Variants in PCDH9 observed in about 807,000 individuals in gnomAD.
PCDH9 encodes protocadherin 9.
Under a neutral mutation model 70.6 loss-of-function variants are expected in PCDH9, and 24 were observed. The ratio of observed to expected loss-of-function variants is 0.34; its 90% CI spans 0.25 to 0.48. The LOEUF (loss-of-function observed/expected upper bound fraction) is 0.48. PCDH9 is among the 20% of genes least tolerant of loss of function. The pLI, the probability that PCDH9 is intolerant of heterozygous loss-of-function variation, is 0.99. For missense variants in PCDH9, 1,281 were observed against 1,503.6 expected, an observed-to-expected ratio of 0.85 and a Z score of 2.45; for synonymous variants, 562 against 558.5, an observed-to-expected ratio of 1.01 and a Z score of -0.09.
intron 4 of PCDH9, among the ~76,000 whole-genome samples, chr13:66,339,246 C>A (rs9540715): frequency 0.44 from 61,202 of 140,692 alleles, 12,566 homozygotes; most frequent in East Asian, 0.5. Flanking sequence ...AACAAAAAAA[C>A]AGTATTACTT....
At chr13:66,816,989 T>A (rs1373362064) in intron 3 of PCDH9, among the ~76,000 whole-genome samples, 2 of 142,592 alleles carry the variant, frequency 1.4e-5, no homozygotes, top group African/African-American at 2.6e-5. Context: ...AACTGTAGAT[T>A]GAAAATATTT....
chr13:67,221,527 T>C (rs1389595916), intron 2 of PCDH9: 1 of 152,092 alleles, frequency 6.6e-6, no homozygotes, highest in Non-Finnish European at 1.5e-5. Flanking sequence ...AAAGTCAGGA[T>C]GTTTAAAGCT....
At chr13:66,437,809 T>C (rs542594054) in intron 4 of PCDH9, among the ~76,000 whole-genome samples, 1 of 152,226 alleles carries the variant, frequency 6.6e-6, no homozygotes, top group East Asian at 1.9e-4. Context: ...ATACCTAAAA[T>C]AATTTCATAC....
At chr13:67,159,594 A>C (rs1218033125) in intron 2 of PCDH9, among the ~76,000 whole-genome samples, 1 of 152,198 alleles carries the variant, frequency 6.6e-6, no homozygotes, top group Non-Finnish European at 1.5e-5. Flanking sequence ...GAAAAATAAA[A>C]TGTTACTTGA....
At chr13:66,722,111 T>C (rs2078949093) in intron 3 of PCDH9, among the ~76,000 whole-genome samples, 1 of 152,216 alleles carries the variant, frequency 6.6e-6, no homozygotes, top group South Asian at 2.1e-4. Flanking sequence ...GTGACCTAGA[T>C]AATCACGGAC....
intron 3 of PCDH9, among the ~76,000 whole-genome samples, chr13:66,878,418 G>C (rs1372071330): frequency 1.3e-5 from 2 of 152,040 alleles, no homozygotes; most frequent in East Asian, 3.9e-4. Context: ...GTAGAGACAG[G>C]GTTTCACCTC....
At chr13:67,123,242 C>A (rs7330064) in intron 2 of PCDH9, among the ~76,000 whole-genome samples, 1 of 152,084 alleles carries the variant, frequency 6.6e-6, no homozygotes, top group African/African-American at 2.4e-5. Flanking sequence ...AGATTGTCAA[C>A]GTTTGCTGCT....
intron 2 of PCDH9, chr13:67,224,337 T>C (rs919038962): frequency 4.6e-5 from 7 of 152,192 alleles, no homozygotes; most frequent in African/African-American, 1.4e-4. Context: ...AAAAGGTATC[T>C]TTGGCTGTAC....
At chr13:66,586,947 C>T (rs574223723) in intron 4 of PCDH9, among the ~76,000 whole-genome samples, 1 of 152,100 alleles carries the variant, frequency 6.6e-6, no homozygotes, top group East Asian at 1.9e-4. Flanking sequence ...TACTAATTCC[C>T]TGACCATATG....
chr13:66,626,606 G>C (rs905147518), intron 4 of PCDH9, among the ~76,000 whole-genome samples: 1 of 151,996 alleles, frequency 6.6e-6, no homozygotes, highest in East Asian at 1.9e-4. Flanking sequence ...AAGAACCGAA[G>C]TTTCTGTCAT....
intron 3 of PCDH9, among the ~76,000 whole-genome samples, chr13:66,800,870 GA>G (rs967930400): frequency 6.6e-6 from 1 of 152,010 alleles, no homozygotes; most frequent in African/African-American, 2.4e-5. Context: ...GGGTTCTTGT[GA>G]AGATCAAACA....
rs188616577 is a variant in PCDH9, at chr13:66,756,826, G to C, written c.3139-125415C>G. Among the ~76,000 whole-genome samples the C allele has an allele frequency of 8.5e-5, 13 of 152,112 alleles. No individual in the cohort carries two copies. In the East Asian group the frequency reaches 1.7e-3, roughly 20 times the overall value. On this transcript the variant is annotated intron_variant, in intron 3 of 4. Transcript: ENST00000377865. ...TGTAGTTAAATGTTGTCATGTGATTGATTTATTTTATTATTATAATTTTTT... is the reference window on the plus strand; with the variant it reads ...TGTAGTTAAATGTTGTCATGTGATTCATTTATTTTATTATTATAATTTTTT...
At chr13:66,457,221 G>A (rs1158210042) in intron 4 of PCDH9, among the ~76,000 whole-genome samples, 1 of 151,898 alleles carries the variant, frequency 6.6e-6, no homozygotes, top group Non-Finnish European at 1.5e-5. Context: ...ACTCATTATG[G>A]CATATTCATA....
At position 66,983,862 on chromosome 13, in the gene PCDH9, C is replaced by CCCACCCT. The variant is rs1331508376; in HGVS notation, c.3037-80264_3037-80258dup. On this transcript the variant is annotated intron_variant, in intron 2 of 4. Coordinates refer to ENST00000377865, the MANE Select transcript of PCDH9 (RefSeq NM_203487.3). ...TTTGTTTTTTGCTCCTCTCCCTTCTCCCACCCTCCACCCTCAGGCAGGCCC... is the reference window on the plus strand; with the variant it reads ...TTTGTTTTTTGCTCCTCTCCCTTCTCCCACCCTCCACCCTCCACCCTCAGGCAGGCCC... Among the ~76,000 whole-genome samples the CCCACCCT allele has an allele frequency of 2.0e-5, 3 of 151,148 alleles. 1 individual carries two copies. Among genetic ancestry groups the CCCACCCT allele is most frequent in the South Asian group, 4.2e-4 (2 of 4,792 alleles).
At chr13:66,713,655 T>TATATATATATATATATATATATATA (rs1474635736) in intron 3 of PCDH9, among the ~76,000 whole-genome samples, 19 of 63,634 alleles carry the variant, frequency 3.0e-4, no homozygotes, top group African/African-American at 9.8e-4. Context: ...ATATATATAA[T>TATATATATATATATATATATATATA]GTACACACAC....
intron 2 of PCDH9, among the ~76,000 whole-genome samples, chr13:67,102,809 T>C (rs2086461580): frequency 6.6e-6 from 1 of 152,028 alleles, no homozygotes; most frequent in African/African-American, 2.4e-5. Context: ...AAAATGAAAA[T>C]AACAGAGAGA....
chr13:66,748,476 T>C lies in PCDH9; in HGVS notation c.3139-117065A>G, dbSNP rs187700909. Among the ~76,000 whole-genome samples, 242 of 152,276 alleles carry C rather than the reference T, an allele frequency of 1.6e-3. 1 individual carries two copies. Among genetic ancestry groups the C allele is most frequent in the African/African-American group, 5.7e-3 (236 of 41,568 alleles). ...TCAAGTGTGTATAATTCCTTAGAAG[T>C]GGTCATGTATTTTCAAATGCAGGTG... is the stretch of plus-strand genomic sequence containing the variant. On this transcript the variant is annotated intron_variant, in intron 3 of 4. Transcript: ENST00000377865.
At chr13:66,449,893 G>C (rs1398133570) in intron 4 of PCDH9, among the ~76,000 whole-genome samples, 1 of 152,058 alleles carries the variant, frequency 6.6e-6, no homozygotes, top group Non-Finnish European at 1.5e-5. Context: ...AATTGTATGT[G>C]AGAGACCTTT....
chr13:66,850,591 C>A (rs2081300359), intron 3 of PCDH9, among the ~76,000 whole-genome samples: 1 of 151,658 alleles, frequency 6.6e-6, no homozygotes, highest in African/African-American at 2.4e-5. Flanking sequence ...GCATGGTTAT[C>A]ATTTCCTTTG....
Sources: gnomAD v4.1 joint callset for allele counts (sites outside exome capture counted in the v4.1 genomes callset) on GRCh38, gnomAD v4.1.1 for gene constraint, MANE v1.5 for transcripts, NCBI Gene and HGNC (gene_info 2026-07-23, HGNC 2026-07-21) for gene names.